Variants in SPINT2 observed in about 807,000 individuals in gnomAD.
The protein encoded by SPINT2 is serine peptidase inhibitor, Kunitz type 2.
SPINT2 carries 18 observed loss-of-function variants against 30.1 expected under a neutral mutation model. The ratio of observed to expected loss-of-function variants is 0.60; its 90% CI spans 0.41 to 0.89. The LOEUF (loss-of-function observed/expected upper bound fraction) is 0.89, where lower values mean the gene tolerates loss of function less well. Ranked by LOEUF, SPINT2 falls within the 40% of genes least tolerant of loss-of-function variation. SPINT2 has a pLI of 0.00. For missense variants in SPINT2, 276 were observed against 334.3 expected, an observed-to-expected ratio of 0.83 and a Z score of 1.36; for synonymous variants, 139 against 137.9, an observed-to-expected ratio of 1.01 and a Z score of -0.05.
At chr19:38,278,250 G>A (rs1175049337) in intron 1 of SPINT2, among the ~76,000 whole-genome samples, 1 of 152,160 alleles carries the variant, frequency 6.6e-6, no homozygotes, top group Non-Finnish European at 1.5e-5. Context: ...CCTGAGGAAT[G>A]TTTTGGCTTT....
At chr19:38,274,002 G>A (rs867914654) in intron 1 of SPINT2, among the ~76,000 whole-genome samples, 12 of 151,764 alleles carry the variant, frequency 7.9e-5, no homozygotes, top group South Asian at 2.1e-4. Context: ...AGGCCGAGGC[G>A]GGTGGATCAT....
At chr19:38,266,333 G>A (rs766836579) in intron 1 of SPINT2, among the ~76,000 whole-genome samples, 7 of 151,456 alleles carry the variant, frequency 4.6e-5, no homozygotes, top group African/African-American at 1.2e-4. Flanking sequence ...CCAAGATCGC[G>A]CCACTGCATT....
At chr19:38,287,822 C>T (rs1427300214) in intron 2 of SPINT2, 54 bp from the exon 3 acceptor site, 12 of 1,594,140 alleles carry the variant, frequency 7.5e-6, no homozygotes, top group African/African-American at 2.7e-5. Flanking sequence ...ATTCTTTGTC[C>T]CTGGCAGTCT....
At chr19:38,283,833 CTTTTTT>C (rs754820019) in intron 2 of SPINT2, 36 bp downstream of exon 2, 14,086 of 937,788 alleles carry the variant, frequency 0.015, 44 homozygotes, top group African/African-American at 0.025. Context: ...TGTTTTTTTC[CTTTTTT>C]TTTTTTTTTT....
chr19:38,269,330 T>C (rs1488137725), intron 1 of SPINT2, among the ~76,000 whole-genome samples: 3 of 151,742 alleles, frequency 2.0e-5, no homozygotes, highest in African/African-American at 7.3e-5. Context: ...CAAGGTCCTT[T>C]GTTGATTCTT....
Position 38,264,768 on chromosome 19 carries a change from T to A in SPINT2, c.-125T>A. The A allele has an allele frequency of 9.5e-7, 1 of 1,054,790 alleles. No homozygotes were observed. The highest frequency in any genetic ancestry group is 1.4e-6 in the Non-Finnish European group (1 of 727,366). The allele number at this position is 1,054,790 out of a possible 1,614,324, so 65.3% of individuals were successfully genotyped here. ...GGGGGCTTTGGCACCTGGCGGACCC[T>A]CCCGGAGCGTCGGCACCTGAACGCG... On this transcript the variant is annotated 5_prime_UTR_variant, in exon 1 of 7. Coordinates refer to ENST00000301244, the MANE Select transcript of SPINT2 (RefSeq NM_021102.4).
Position 38,290,844 on chromosome 19 carries a change from G to T in SPINT2, c.592+269G>T. 1 of 568,608 alleles carries T rather than the reference G, an allele frequency of 1.8e-6. No homozygotes were observed. Among genetic ancestry groups the T allele is most frequent in the South Asian group, 1.9e-5 (1 of 53,502 alleles). 35.2% of individuals were successfully genotyped at this position (568,608 alleles called of 1,614,324 possible). A position where few individuals can be genotyped will look rare whatever the true frequency, so the allele number is the denominator to read the frequency against. On this transcript the variant is annotated intron_variant, in intron 6 of 6. Transcript: ENST00000301244. The surrounding 1 kb of genome is among the most constrained non-coding windows in gnomAD (Gnocchi z 4.3). ...GAGGTCTTCCTGTTGAGCATTTGAG[G>T]ACTGCTGCACACGGGCCTGAGGCTG...
intron 1 of SPINT2, among the ~76,000 whole-genome samples, chr19:38,267,516 GTT>G (rs1968393902): frequency 6.6e-6 from 1 of 152,154 alleles, no homozygotes; most frequent in African/African-American, 2.4e-5. Context: ...CCAGCAGATT[GTT>G]GGAGTTGAGG....
At position 38,290,004 on chromosome 19, in the gene SPINT2, CAG is replaced by C; in HGVS notation, c.392-109_392-108del. On this transcript the variant is annotated intron_variant, in intron 4 of 6. Coordinates refer to ENST00000301244, the MANE Select transcript of SPINT2 (RefSeq NM_021102.4). This position sits in a 1 kb window ranked among gnomAD's most constrained non-coding sequence, Gnocchi z 4.3. ...GGGTGTAATTTACAGGCTTCTTTAC[CAG>C]AGAGATGTTTCTCCGTCTGCTGGAG... The C allele has an allele frequency of 1.7e-6, 2 of 1,161,600 alleles. No homozygotes were observed. Among genetic ancestry groups the C allele is most frequent in the Non-Finnish European group, 1.3e-6 (1 of 781,332 alleles). The allele number at this position is 1,161,600 out of a possible 1,614,324, so 72.0% of individuals were successfully genotyped here.
chr19:38,269,229 C>A (rs1968418899), intron 1 of SPINT2, among the ~76,000 whole-genome samples: 1 of 151,592 alleles, frequency 6.6e-6, no homozygotes, highest in East Asian at 2.0e-4. Flanking sequence ...TCCTGAGTAG[C>A]TGGGACTACA....
chr19:38,267,287 G>A (rs1294148458), intron 1 of SPINT2, among the ~76,000 whole-genome samples: 2 of 152,036 alleles, frequency 1.3e-5, no homozygotes, highest in African/African-American at 2.4e-5. Flanking sequence ...TTTTTTCCTC[G>A]CTCCTTCCTG....
intron 2 of SPINT2, among the ~76,000 whole-genome samples, chr19:38,284,771 A>G (rs1435449770): frequency 6.6e-6 from 1 of 152,230 alleles, no homozygotes; most frequent in Middle Eastern, 3.4e-3. Flanking sequence ...ATTTTGAGAC[A>G]GAGTCTTGCT....
rs960070110 is a variant in SPINT2, at chr19:38,288,936, G to A, written c.338-202G>A. The stretch of plus-strand genomic sequence containing the variant: ...ATAGGAACCCTGAGGTGGCGGCAGG[G>A]CCACCACATCCAGCACTCTCAGTGT... On this transcript the variant is annotated intron_variant, in intron 3 of 6. Coordinates refer to ENST00000301244, the MANE Select transcript of SPINT2 (RefSeq NM_021102.4). 28 of 582,034 alleles carry A rather than the reference G, an allele frequency of 4.8e-5. No individual in the cohort carries two copies. The African/African-American group carries it at 5.0e-4, about 10-fold the overall frequency. The allele number at this position is 582,034 out of a possible 1,614,324, so 36.1% of individuals were successfully genotyped here. A position where few individuals can be genotyped will look rare whatever the true frequency, so the allele number is the denominator to read the frequency against.
chr19:38,269,104 T>G (rs899200530), intron 1 of SPINT2, among the ~76,000 whole-genome samples: 2 of 151,036 alleles, frequency 1.3e-5, no homozygotes, highest in East Asian at 2.0e-4. Context: ...TTTGTTTTTT[T>G]GGGTTTTTTT....
At chr19:38,273,519 G>GCT (rs1303803039) in intron 1 of SPINT2, among the ~76,000 whole-genome samples, 1 of 152,206 alleles carries the variant, frequency 6.6e-6, no homozygotes, top group Non-Finnish European at 1.5e-5. Context: ...TTTTTAAGAT[G>GCT]CTCTCATTCA....
intron 1 of SPINT2, among the ~76,000 whole-genome samples, chr19:38,277,383 T>G (rs1335830605): frequency 6.6e-6 from 1 of 152,142 alleles, no homozygotes; most frequent in African/African-American, 2.4e-5. Context: ...TAGCTGGGAC[T>G]GCAGGTGCAC....
Position 38,270,376 on chromosome 19 carries a change from C to G in SPINT2, c.106+5378C>G, listed in dbSNP as rs115534645. Among the ~76,000 whole-genome samples, 1,039 of 152,298 alleles carry G rather than the reference C, an allele frequency of 6.8e-3. 19 individuals carry two copies. Among genetic ancestry groups the G allele is most frequent in the African/African-American group, 0.024 (1,010 of 41,554 alleles). On this transcript the variant is annotated intron_variant, in intron 1 of 6. Transcript: ENST00000301244. ...AAATCTTATTCACTGATATAGTCAG[C>G]AAATGTTTATTGAGCACCCACCAAT...
intron 6 of SPINT2, chr19:38,291,056 G>C (rs1220014253): frequency 9.0e-6 from 2 of 222,798 alleles, no homozygotes; most frequent in Non-Finnish European, 1.8e-5. Flanking sequence ...TGCCATGCCA[G>C]TCTGGCCTCT....
Position 38,292,031 on chromosome 19 carries a change from G to A in SPINT2, c.*25G>A. On this transcript the variant is annotated 3_prime_UTR_variant, in exon 7 of 7. Transcript: ENST00000301244. The stretch of plus-strand genomic sequence containing the variant: ...ACCGCCCTGTCGCCAAGAGGACTGG[G>A]GAAGGGAGGGGAGACTATGTGTGAG... 1 of 1,613,274 alleles carries A rather than the reference G, an allele frequency of 6.2e-7. No individual in the cohort carries two copies. The highest frequency in any genetic ancestry group is 1.3e-5 in the African/African-American group (1 of 75,044).
Sources: gnomAD v4.1 joint callset for allele counts (sites outside exome capture counted in the v4.1 genomes callset) on GRCh38, gnomAD v4.1.1 for gene constraint, Gnocchi (gnomAD v3.1) non-coding constraint, MANE v1.5 for transcripts, NCBI Gene and HGNC (gene_info 2026-07-23, HGNC 2026-07-21) for gene names.